Variants in PATJ observed in about 807,000 individuals in gnomAD.
The protein encoded by PATJ is inaD-like protein.
Under a neutral mutation model 224.9 loss-of-function variants are expected in PATJ, and 190 were observed. That is an observed-to-expected ratio of 0.84 (90% confidence interval 0.75 to 0.95). The LOEUF is 0.95. PATJ is among the 40% of genes least tolerant of loss of function. The pLI, the probability that PATJ is intolerant of heterozygous loss-of-function variation, is 0.00. For missense variants in PATJ, 2,121 were observed against 2,270.3 expected, an observed-to-expected ratio of 0.93 and a Z score of 1.34; for synonymous variants, 769 against 820.3, an observed-to-expected ratio of 0.94 and a Z score of 1.07.
chr1:62,106,158 G>GTGTGTGTGTGTGTA (rs1356937495), intron 33 of PATJ, among the ~76,000 whole-genome samples: 1 of 48,064 alleles, frequency 2.1e-5, no homozygotes, highest in Non-Finnish European at 4.4e-5. Context: ...GTGTGTGTGT[G>GTGTGTGTGTGTGTA]TATATATATA....
intron 17 of PATJ, among the ~76,000 whole-genome samples, chr1:61,847,588 T>C (rs1662165182): frequency 6.6e-6 from 1 of 152,252 alleles, no homozygotes; most frequent in Non-Finnish European, 1.5e-5. Context: ...GTATGATTAG[T>C]GTAATACTTT....
chr1:61,886,873 AGGGAGGCTGAGGT>A (rs1668946518), intron 22 of PATJ, among the ~76,000 whole-genome samples: 1 of 148,618 alleles, frequency 6.7e-6, no homozygotes. Context: ...CCCAGCTACT[AGGGAGGCTGAGGT>A]GGGAGGACCG....
At chr1:61,947,129 C>G (rs1678856817) in intron 27 of PATJ, among the ~76,000 whole-genome samples, 1 of 152,138 alleles carries the variant, frequency 6.6e-6, no homozygotes, top group Admixed American at 6.5e-5. Flanking sequence ...TGGGCAAAAA[C>G]TGGAAGCATT....
At chr1:62,158,743 G>T (rs1669542967) in intron 43 of PATJ, among the ~76,000 whole-genome samples, 2 of 124,870 alleles carry the variant, frequency 1.6e-5, no homozygotes, top group African/African-American at 3.2e-5. Context: ...AAAAAAAAGA[G>T]TTCGAGACCA....
intron 34 of PATJ, among the ~76,000 whole-genome samples, chr1:62,109,384 G>A (rs1240143142): frequency 1.3e-5 from 2 of 152,170 alleles, no homozygotes; most frequent in Admixed American, 1.3e-4. Context: ...ATATAATTAA[G>A]GGCAGGAAAC....
chr1:61,789,315 T>A (rs1005899462), intron 8 of PATJ, among the ~76,000 whole-genome samples: 51 of 147,344 alleles, frequency 3.5e-4, no homozygotes, highest in Non-Finnish European at 5.0e-4. Flanking sequence ...AAAAAATAAA[T>A]AAATAAATAA....
intron 34 of PATJ, among the ~76,000 whole-genome samples, chr1:62,113,325 G>A (rs1479087079): frequency 1.3e-5 from 2 of 152,110 alleles, no homozygotes; most frequent in Non-Finnish European, 2.9e-5. Flanking sequence ...TGAAGTCGTT[G>A]TGATGTGAGC....
chr1:61,817,648 C>G lies in PATJ; in HGVS notation c.1684-5297C>G, dbSNP rs570522623. ...TGCACTCCCGCCTGGGCAACAAGAG[C>G]GAAACTCTGTCTCAAAAAATATAAA... On this transcript the variant is annotated intron_variant, in intron 14 of 43. Transcript: ENST00000642238. Among the ~76,000 whole-genome samples the G allele has an allele frequency of 2.0e-5, 3 of 151,990 alleles. No homozygotes were observed. In the South Asian group the frequency reaches 6.2e-4, roughly 32 times the overall value.
chr1:61,930,922 GAA>G (rs1675936249), intron 27 of PATJ, among the ~76,000 whole-genome samples: 1 of 152,102 alleles, frequency 6.6e-6, no homozygotes, highest in African/African-American at 2.4e-5. Context: ...AGGCTGGTCT[GAA>G]ACTCCCGACC....
chr1:62,056,258 G>GT (rs2148616581), intron 31 of PATJ, among the ~76,000 whole-genome samples: 1 of 152,296 alleles, frequency 6.6e-6, no homozygotes, highest in African/African-American at 2.4e-5. Flanking sequence ...CACCATCATA[G>GT]TTAATATATT....
chr1:61,941,309 C>T (rs752193674), intron 27 of PATJ, among the ~76,000 whole-genome samples: 3 of 152,166 alleles, frequency 2.0e-5, no homozygotes, highest in Non-Finnish European at 2.9e-5. Context: ...GTAGCATTTA[C>T]GTTTTATGAA....
At chr1:61,787,125 T>A (rs1011394315) in intron 7 of PATJ, among the ~76,000 whole-genome samples, 1 of 152,218 alleles carries the variant, frequency 6.6e-6, no homozygotes, top group Non-Finnish European at 1.5e-5. Context: ...TTGCTTCTAT[T>A]GTTTCCTCTT....
chr1:61,962,556 G>T (rs183282767), intron 27 of PATJ, among the ~76,000 whole-genome samples: 1 of 152,242 alleles, frequency 6.6e-6, no homozygotes, highest in Non-Finnish European at 1.5e-5. Context: ...GATGATGGAG[G>T]GTTTTGAAGA....
chr1:61,882,610 C>T, intron 21 of PATJ, among the ~76,000 whole-genome samples: 1 of 152,094 alleles, frequency 6.6e-6, no homozygotes, highest in Non-Finnish European at 1.5e-5. Context: ...GTTTTTGATA[C>T]AAGGTCTCAC....
At chr1:61,783,409 CTTTCT>C (rs1647756758) in intron 7 of PATJ, among the ~76,000 whole-genome samples, 5 of 146,518 alleles carry the variant, frequency 3.4e-5, no homozygotes, top group South Asian at 4.3e-4. Flanking sequence ...TTTTTTTTTC[CTTTCT>C]TTTCTTTTCT....
At chr1:62,129,124 G>A (rs1666025202) in intron 41 of PATJ, among the ~76,000 whole-genome samples, 179 bp downstream of exon 41, 1 of 152,184 alleles carries the variant, frequency 6.6e-6, no homozygotes, top group Non-Finnish European at 1.5e-5. Flanking sequence ...CACCCATACA[G>A]GTAGTGAGCA....
intron 17 of PATJ, among the ~76,000 whole-genome samples, chr1:61,853,691 A>G (rs1663192489): frequency 6.6e-6 from 1 of 152,194 alleles, no homozygotes; most frequent in African/African-American, 2.4e-5. Flanking sequence ...GACAAAATAG[A>G]CAGCTCTTTT....
intron 27 of PATJ, among the ~76,000 whole-genome samples, chr1:61,961,947 C>T (rs1223417660): frequency 1.4e-5 from 2 of 138,868 alleles, no homozygotes; most frequent in African/African-American, 5.4e-5. Context: ...CCAGCCTGGG[C>T]GACAAGAATG....
rs1378437409 is a variant in PATJ, at chr1:61,806,487, C to T, written c.1626+963C>T. ...ACAAAAAATTAGCCGGGCGTGGTGG[C>T]GGTCGCCTGTAATCCCAGCTACTCG... On this transcript the variant is annotated intron_variant, in intron 13 of 43. Transcript: ENST00000642238. 4.6e-5 allele frequency among the ~76,000 whole-genome samples: 7 copies of T among 152,064 alleles called. No homozygotes were observed. The East Asian group carries it at 9.7e-4, about 21-fold the overall frequency.
Sources: gnomAD v4.1 joint callset for allele counts (sites outside exome capture counted in the v4.1 genomes callset) on GRCh38, gnomAD v4.1.1 for gene constraint, MANE v1.5 for transcripts, NCBI Gene and HGNC (gene_info 2026-07-23, HGNC 2026-07-21) for gene names.